RARB: variants seen among roughly 807,000 people sequenced by gnomAD.
RARB encodes retinoic acid receptor beta, also known as HBV-activated protein.
Under a neutral mutation model 51.9 loss-of-function variants are expected in RARB, and 17 were observed. That is an observed-to-expected ratio of 0.33 (90% CI 0.22 to 0.49). The LOEUF is 0.49. Ranked by LOEUF, RARB falls within the 20% of genes least tolerant of loss-of-function variation. The probability of loss-of-function intolerance (pLI) is 0.99; values close to 1 mark genes in which losing one functional copy is unlikely to be tolerated. For missense variants in RARB, 369 were observed against 550.8 expected, an observed-to-expected ratio of 0.67 and a Z score of 3.30; for synonymous variants, 215 against 195.4, an observed-to-expected ratio of 1.10 and a Z score of -0.84.
At chr3:25,368,304 T>C (rs1271038343) in intron 5 of RARB, among the ~76,000 whole-genome samples, 4 of 152,224 alleles carry the variant, frequency 2.6e-5, no homozygotes, top group Non-Finnish European at 4.4e-5. Flanking sequence ...ATATTTTTTC[T>C]CTTGAATTTT....
chr3:24,978,775 A>T (rs1168104380), intron 2 of RARB, among the ~76,000 whole-genome samples: 2 of 146,514 alleles, frequency 1.4e-5, no homozygotes, highest in African/African-American at 5.1e-5. Flanking sequence ...GATCTTAGTT[A>T]TTTCTTATCT....
At chr3:25,099,307 G>C (rs559561527) in intron 3 of RARB, among the ~76,000 whole-genome samples, 2 of 152,134 alleles carry the variant, frequency 1.3e-5, no homozygotes, top group East Asian at 3.9e-4. Flanking sequence ...AGGAGACACA[G>C]ACTTATTGAG....
intron 2 of RARB, among the ~76,000 whole-genome samples, chr3:25,029,930 A>G (rs575929766): frequency 1.1e-4 from 16 of 152,310 alleles, no homozygotes; most frequent in East Asian, 3.9e-4. Flanking sequence ...CTGATGATGT[A>G]TGAGACAGGG....
chr3:24,951,318 C>G (rs1486046433), intron 2 of RARB, among the ~76,000 whole-genome samples: 1 of 152,152 alleles, frequency 6.6e-6, no homozygotes, highest in South Asian at 2.1e-4. Flanking sequence ...CTCTGAAGAA[C>G]TGGATGTGAG....
intron 2 of RARB, among the ~76,000 whole-genome samples, chr3:25,031,969 G>A (rs183465946): frequency 6.6e-6 from 1 of 152,240 alleles, no homozygotes; most frequent in Admixed American, 6.5e-5. Flanking sequence ...TGTTAGAGTT[G>A]ATAATTTATT....
chr3:24,974,127 C>A (rs1170507370), intron 2 of RARB, among the ~76,000 whole-genome samples: 2 of 151,948 alleles, frequency 1.3e-5, no homozygotes, highest in South Asian at 4.1e-4. Context: ...TGTGTTCTTT[C>A]TATACCCAGT....
At chr3:25,450,175 A>G (rs371491947) in intron 1 of RARB, among the ~76,000 whole-genome samples, 2 of 152,210 alleles carry the variant, frequency 1.3e-5, no homozygotes, top group African/African-American at 4.8e-5. Context: ...AGTGATTACT[A>G]TTGTTGAAAT....
At position 25,138,335 on chromosome 3, in the gene RARB, G is replaced by A. The variant is rs1337325201; in HGVS notation, c.-280+6127G>A. 5.0e-5 allele frequency among the ~76,000 whole-genome samples: 7 copies of A among 140,704 alleles called. No individual in the cohort carries two copies. The East Asian group carries it at 1.4e-3, about 29-fold the overall frequency. The allele number at this position is 140,704 out of a possible 152,430, so 92.3% of individuals were successfully genotyped here. On this transcript the variant is annotated intron_variant, in intron 4 of 11. Coordinates refer to the RARB transcript ENST00000383772. ...CTTTTGAAAGCAGCACTATAATTGA[G>A]TTTTTTTTTTTTTTTGGTAGCCAAA...
intron 4 of RARB, among the ~76,000 whole-genome samples, chr3:25,146,010 A>C (rs1700183057): frequency 6.6e-6 from 1 of 151,952 alleles, no homozygotes; most frequent in African/African-American, 2.4e-5. Context: ...TCTAAAAAAA[A>C]AAAAATTCAT....
intron 5 of RARB, among the ~76,000 whole-genome samples, chr3:25,221,492 A>G (rs1387410606): frequency 6.6e-6 from 1 of 152,150 alleles, no homozygotes; most frequent in Non-Finnish European, 1.5e-5. Flanking sequence ...TTAATAAATA[A>G]TCCTCCTTTG....
chr3:25,191,163 G>T (rs1701094812), intron 5 of RARB, among the ~76,000 whole-genome samples: 1 of 151,982 alleles, frequency 6.6e-6, no homozygotes, highest in Admixed American at 6.6e-5. Context: ...AAAAAATAGG[G>T]GAAAGTTTTC....
chr3:25,188,303 A>T (rs1559497830), intron 5 of RARB, among the ~76,000 whole-genome samples: 1 of 152,142 alleles, frequency 6.6e-6, no homozygotes, highest in African/African-American at 2.4e-5. Flanking sequence ...GTAGGTGCTC[A>T]CTAAATGTTT....
chr3:25,110,391 T>C (rs952951838), intron 3 of RARB, among the ~76,000 whole-genome samples: 8 of 152,228 alleles, frequency 5.3e-5, no homozygotes, highest in Non-Finnish European at 1.2e-4. Flanking sequence ...GGAAACTCAA[T>C]CTAAGAGATG....
At chr3:25,575,457 C>T (rs944979141) in intron 4 of RARB, among the ~76,000 whole-genome samples, 1 of 152,196 alleles carries the variant, frequency 6.6e-6, no homozygotes, top group Non-Finnish European at 1.5e-5. Context: ...ATTATTTGAT[C>T]GCATTTCTGG....
At chr3:25,573,497 C>T (rs951530027) in intron 4 of RARB, among the ~76,000 whole-genome samples, 4 of 152,228 alleles carry the variant, frequency 2.6e-5, no homozygotes, top group Non-Finnish European at 5.9e-5. Flanking sequence ...TGCTGCCCAC[C>T]GCGGGGTGGA....
intron 5 of RARB, among the ~76,000 whole-genome samples, chr3:25,270,868 G>C (rs1248751228): frequency 6.6e-6 from 1 of 152,106 alleles, no homozygotes; most frequent in Non-Finnish European, 1.5e-5. Context: ...TACAAGCAAT[G>C]GCAAAAACCG....
At chr3:25,548,247 G>T (rs1454752171) in intron 3 of RARB, among the ~76,000 whole-genome samples, 1 of 151,950 alleles carries the variant, frequency 6.6e-6, no homozygotes, top group Admixed American at 6.6e-5. Flanking sequence ...AAAATGTCAT[G>T]CTTAAAAAAT....
intron 5 of RARB, among the ~76,000 whole-genome samples, chr3:25,312,532 G>A (rs1704315632): frequency 6.6e-6 from 1 of 152,146 alleles, no homozygotes; most frequent in Non-Finnish European, 1.5e-5. Context: ...GTAAAATGCG[G>A]TTAATTGAAA....
At chr3:25,128,459 G>C (rs1037127119) in intron 3 of RARB, among the ~76,000 whole-genome samples, 60 of 146,444 alleles carry the variant, frequency 4.1e-4, no homozygotes, top group Middle Eastern at 3.6e-3. Flanking sequence ...TATATTTCTA[G>C]TATACTATAT....
Sources: allele counts gnomAD v4.1 joint callset (sites outside exome capture counted in the v4.1 genomes callset), GRCh38; gene constraint gnomAD v4.1.1; transcripts MANE v1.5; gene names NCBI Gene and HGNC (gene_info 2026-07-23, HGNC 2026-07-21).